FAM3D: variants seen among roughly 807,000 people sequenced by gnomAD.
FAM3D encodes FAM3 metabolism regulating signaling molecule D, also known as protein FAM3D.
FAM3D carries 26 observed loss-of-function variants against 29.8 expected under a neutral mutation model. The observed-to-expected ratio is 0.87, with a 90% confidence interval of 0.64 to 1.21. FAM3D has a LOEUF of 1.21. Ranked by LOEUF, FAM3D falls within the 50% of genes most tolerant of loss-of-function variation. The pLI, the probability that FAM3D is intolerant of heterozygous loss-of-function variation, is 0.00. For missense variants in FAM3D, 253 were observed against 290.9 expected, an observed-to-expected ratio of 0.87 and a Z score of 0.95; for synonymous variants, 115 against 102.3, an observed-to-expected ratio of 1.12 and a Z score of -0.75.
chr3:58,660,980 A>G (rs764814666), intron 1 of FAM3D, among the ~76,000 whole-genome samples: 2 of 152,200 alleles, frequency 1.3e-5, no homozygotes, highest in Non-Finnish European at 2.9e-5. Flanking sequence ...ACTTTGCCCA[A>G]CTCAAGCACA....
intron 6 of FAM3D, among the ~76,000 whole-genome samples, chr3:58,642,438 C>T (rs989703700): frequency 4.6e-5 from 7 of 152,196 alleles, no homozygotes; most frequent in Non-Finnish European, 8.8e-5. Context: ...CACACAAGCT[C>T]GACAAGTTCC....
chr3:58,665,012 G>A (rs1444184), intron 1 of FAM3D, among the ~76,000 whole-genome samples: 2 of 152,172 alleles, frequency 1.3e-5, no homozygotes, highest in African/African-American at 4.8e-5. Flanking sequence ...ATCCCCCACC[G>A]CAGGGAAGTG....
chr3:58,645,695 G>T, intron 4 of FAM3D, 69 bp from the exon 5 acceptor site: 1 of 1,298,414 alleles, frequency 7.7e-7, no homozygotes, highest in Non-Finnish European at 1.1e-6. Flanking sequence ...AGGAGGGGAG[G>T]GCCAGGGCTA....
intron 1 of FAM3D, among the ~76,000 whole-genome samples, chr3:58,661,127 A>C (rs2066920875): frequency 6.6e-6 from 1 of 152,204 alleles, no homozygotes; most frequent in Non-Finnish European, 1.5e-5. Flanking sequence ...GTGTTCCAAT[A>C]AAACTTTATT....
At chr3:58,642,820 C>T (rs1256500121) in intron 6 of FAM3D, among the ~76,000 whole-genome samples, 1 of 152,178 alleles carries the variant, frequency 6.6e-6, no homozygotes, top group Non-Finnish European at 1.5e-5. Context: ...TCCGTGGCTC[C>T]CTACTGCTCT....
At chr3:58,639,745 A>G (rs1388833809) in intron 7 of FAM3D, among the ~76,000 whole-genome samples, 2 of 152,180 alleles carry the variant, frequency 1.3e-5, no homozygotes, top group African/African-American at 4.8e-5. Flanking sequence ...ACTCCAGGTC[A>G]GCACACTCCT....
intron 1 of FAM3D, 73 bp from the exon 2 acceptor site, chr3:58,655,674 A>T: frequency 1.6e-6 from 2 of 1,247,238 alleles, no homozygotes; most frequent in Non-Finnish European, 2.3e-6. Context: ...GATGAGGGAA[A>T]GGGACCTCTA....
intron 6 of FAM3D, among the ~76,000 whole-genome samples, chr3:58,642,780 C>T (rs550566609): frequency 1.4e-3 from 208 of 152,296 alleles, no homozygotes; most frequent in African/African-American, 4.8e-3. Context: ...GGAGTGCATG[C>T]CTGGCCCCTC....
At chr3:58,655,189 G>A (rs61453911) in intron 2 of FAM3D, among the ~76,000 whole-genome samples, 2,151 of 152,250 alleles carry the variant, frequency 0.014, 53 homozygotes, top group African/African-American at 0.049. Context: ...GGGGGATACA[G>A]TATGAGGGTG....
At chr3:58,645,703 C>A in intron 4 of FAM3D, 77 bp from the exon 5 acceptor site, 1 of 1,198,212 alleles carries the variant, frequency 8.3e-7, no homozygotes, top group Non-Finnish European at 1.2e-6. Context: ...AGGGCCAGGG[C>A]TAGGGCCAGG....
intron 8 of FAM3D, among the ~76,000 whole-genome samples, chr3:58,636,844 T>A (rs569432153): frequency 1.3e-5 from 2 of 152,294 alleles, no homozygotes; most frequent in South Asian, 4.1e-4. Flanking sequence ...CACCATCATT[T>A]TTGATGCAGT....
intron 3 of FAM3D, among the ~76,000 whole-genome samples, chr3:58,652,743 A>T (rs2066676109): frequency 6.7e-6 from 1 of 150,062 alleles, no homozygotes; most frequent in South Asian, 2.1e-4. Flanking sequence ...CCATCTCTCC[A>T]TTTGCCCATT....
intron 1 of FAM3D, among the ~76,000 whole-genome samples, chr3:58,656,341 G>C (rs2066799294): frequency 6.6e-6 from 1 of 152,206 alleles, no homozygotes; most frequent in African/African-American, 2.4e-5. Context: ...AAGGGTGAGA[G>C]CCAGAATTTG....
chr3:58,640,254 C>A, intron 6 of FAM3D, 77 bp from the exon 7 acceptor site: 1 of 1,473,056 alleles, frequency 6.8e-7, no homozygotes, highest in Non-Finnish European at 9.5e-7. Flanking sequence ...AATGCCTAAT[C>A]TGTAGTCTAA....
At chr3:58,665,589 C>G (rs568123668) in intron 1 of FAM3D, among the ~76,000 whole-genome samples, 2 of 152,288 alleles carry the variant, frequency 1.3e-5, no homozygotes, top group East Asian at 3.9e-4. Flanking sequence ...CTGGATGAAT[C>G]ATCTAGAAGG....
At chr3:58,643,841 A>G (rs2106784184) in intron 5 of FAM3D, 121 bp from the exon 6 acceptor site, 2 of 850,348 alleles carry the variant, frequency 2.4e-6, no homozygotes, top group East Asian at 2.5e-5. Flanking sequence ...TGGGAAACAC[A>G]TGCAATAACT....
At chr3:58,658,141 C>T (rs1258477846) in intron 1 of FAM3D, among the ~76,000 whole-genome samples, 1 of 152,182 alleles carries the variant, frequency 6.6e-6, no homozygotes, top group Admixed American at 6.5e-5. Flanking sequence ...CTGAACTGCC[C>T]TTCCCCATAG....
In FAM3D at chr3:58,658,322, G is replaced by A. The variant is rs2066864036; in HGVS notation, c.-38-2721C>T. ...GAAGGTTAGAATGATTAAACCACCA[G>A]ATAGAGAAGAAAGTTGAAGTTCAGA... On this transcript the variant is annotated intron_variant, in intron 1 of 9. Coordinates refer to ENST00000358781, the MANE Select transcript of FAM3D (RefSeq NM_138805.3). 3.3e-5 allele frequency among the ~76,000 whole-genome samples: 5 copies of A among 152,298 alleles called. No individual in the cohort carries two copies. The South Asian group carries it at 1.0e-3, about 32-fold the overall frequency.
chr3:58,654,794 A>G (rs561312038), intron 2 of FAM3D, among the ~76,000 whole-genome samples: 19 of 152,290 alleles, frequency 1.2e-4, no homozygotes, highest in African/African-American at 4.6e-4. Context: ...GGTGGGATGC[A>G]GGTCTGTGGG....
Sources: gnomAD v4.1 joint callset for allele counts (sites outside exome capture counted in the v4.1 genomes callset) on GRCh38, gnomAD v4.1.1 for gene constraint, MANE v1.5 for transcripts, NCBI Gene and HGNC (gene_info 2026-07-23, HGNC 2026-07-21) for gene names.